Variants in L3MBTL3 observed in about 807,000 individuals in gnomAD.
L3MBTL3 encodes L3MBTL histone methyl-lysine binding protein 3.
L3MBTL3 carries 27 observed loss-of-function variants against 102.3 expected under a neutral mutation model. The ratio of observed to expected loss-of-function variants is 0.26; its 90% CI spans 0.19 to 0.36. L3MBTL3 has a LOEUF of 0.36. Ranked by LOEUF, L3MBTL3 falls within the 10% of genes least tolerant of loss-of-function variation. The probability of loss-of-function intolerance (pLI) is 1.00; values close to 1 mark genes in which losing one functional copy is unlikely to be tolerated. For missense variants in L3MBTL3, 798 were observed against 955.3 expected, an observed-to-expected ratio of 0.84 and a Z score of 2.17; for synonymous variants, 340 against 320.9, an observed-to-expected ratio of 1.06 and a Z score of -0.64.
intron 5 of L3MBTL3, 42 bp downstream of exon 5, chr6:130,049,872 ATTTC>A: frequency 1.3e-6 from 2 of 1,574,054 alleles, no homozygotes; most frequent in Non-Finnish European, 1.7e-6. Flanking sequence ...TTCATTTTCT[ATTTC>A]TTTCTCCCCT....
intron 16 of L3MBTL3, among the ~76,000 whole-genome samples, chr6:130,090,040 T>G (rs1783942613): frequency 6.6e-6 from 1 of 152,312 alleles, no homozygotes; most frequent in Middle Eastern, 3.4e-3. Context: ...GACTAGATTG[T>G]ATTTCATTTT....
intron 16 of L3MBTL3, among the ~76,000 whole-genome samples, chr6:130,086,547 T>C (rs1015574398): frequency 2.0e-5 from 3 of 152,198 alleles, no homozygotes; most frequent in African/African-American, 7.2e-5. Flanking sequence ...TACTTCATTC[T>C]CTGATAGTAT....
intron 1 of L3MBTL3, among the ~76,000 whole-genome samples, chr6:130,021,437 G>A (rs1347527941): frequency 6.6e-6 from 1 of 152,250 alleles, no homozygotes; most frequent in Non-Finnish European, 1.5e-5. Flanking sequence ...TCCGACATGA[G>A]TTATATGGGA....
intron 2 of L3MBTL3, among the ~76,000 whole-genome samples, chr6:130,031,007 C>T (rs1450046837): frequency 6.6e-6 from 1 of 152,178 alleles, no homozygotes; most frequent in African/African-American, 2.4e-5. Context: ...TATGATTACC[C>T]CATGTGACCT....
At chr6:130,101,898 A>C (rs749565988) in intron 18 of L3MBTL3, among the ~76,000 whole-genome samples, 1 of 152,164 alleles carries the variant, frequency 6.6e-6, no homozygotes, top group Non-Finnish European at 1.5e-5. Context: ...CCTTCACATT[A>C]TTACTAAATG....
At chr6:130,130,879 T>C (rs921675002) in intron 20 of L3MBTL3, among the ~76,000 whole-genome samples, 5 of 152,234 alleles carry the variant, frequency 3.3e-5, no homozygotes, top group African/African-American at 1.2e-4. Flanking sequence ...AGTGACTTTC[T>C]AGCATTCAGA....
chr6:130,053,102 C>T lies in L3MBTL3; in HGVS notation c.582+111C>T, dbSNP rs569604512. 65 of 782,786 alleles carry T rather than the reference C, an allele frequency of 8.3e-5. No individual in the cohort carries two copies. The South Asian group carries it at 1.1e-3, about 13-fold the overall frequency. 48.5% of individuals were successfully genotyped at this position (782,786 alleles called of 1,614,324 possible). On this transcript the variant is annotated intron_variant, in intron 7 of 22. Coordinates refer to ENST00000361794, the MANE Select transcript of L3MBTL3 (RefSeq NM_032438.4). ...CTGAGTTCAAATGTGGGTTCCAGGA[C>T]TATCTGTGTTAGTGTCAGTAAGTTA...
At chr6:130,065,480 T>C (rs140204604) in intron 10 of L3MBTL3, among the ~76,000 whole-genome samples, 3 of 152,296 alleles carry the variant, frequency 2.0e-5, no homozygotes, top group Non-Finnish European at 4.4e-5. Flanking sequence ...ACTATATGTT[T>C]TAGAGAACTT....
At chr6:130,119,802 A>G (rs1027597008) in intron 19 of L3MBTL3, among the ~76,000 whole-genome samples, 2 of 152,202 alleles carry the variant, frequency 1.3e-5, no homozygotes, top group Admixed American at 6.5e-5. Flanking sequence ...TAAACAATAC[A>G]TAATTTAAAA....
chr6:130,122,634 G>A (rs1359314798), intron 20 of L3MBTL3, among the ~76,000 whole-genome samples: 2 of 152,162 alleles, frequency 1.3e-5, no homozygotes, highest in Non-Finnish European at 2.9e-5. Context: ...TTCTGATTAT[G>A]GAAAAAGGCA....
chr6:130,085,063 C>T (rs1314235108), intron 15 of L3MBTL3, among the ~76,000 whole-genome samples: 2 of 152,158 alleles, frequency 1.3e-5, no homozygotes, highest in Non-Finnish European at 1.5e-5. Context: ...CTCCTGAGCT[C>T]AAGCAATCCA....
chr6:130,138,768 CT>C (rs35404490), intron 22 of L3MBTL3, among the ~76,000 whole-genome samples: 37,854 of 148,764 alleles, frequency 0.25, 5,587 homozygotes, highest in Non-Finnish European at 0.35. Context: ...GAAAGGGAAA[CT>C]TTTTTTTTTT....
chr6:130,052,836 T>C, intron 6 of L3MBTL3, 23 bp from the exon 7 acceptor site: 1 of 1,608,540 alleles, frequency 6.2e-7, no homozygotes, highest in Non-Finnish European at 8.5e-7. Flanking sequence ...CTTGTCACTA[T>C]TTTGGGTTTA....
rs1353932211 is a variant in L3MBTL3, at chr6:130,051,272, C to G, written c.313C>G (p.Pro105Ala). The change falls in exon 6 of 23, where the codon CCT becomes GCT. Residue 105 changes from proline (P) to alanine (A), a missense_variant. Pro to Ala is a conservative substitution (Grantham distance 27, BLOSUM62 -1). This residue lies in a region of L3MBTL3 where 434 missense variants were observed against 506.6 expected (regional missense o/e 0.86). Transcript: ENST00000361794. ...PTVFSEKTGM[P>A]FRLKDPVKVE... is the part of the protein sequence containing the mutation. Reference sequence around the variant, plus strand: ...AGTCTTTTCAGAGAAGACTGGGATGCCTTTCAGGTTGAAGGATCCAGTGAA... The same window carrying G: ...AGTCTTTTCAGAGAAGACTGGGATGGCTTTCAGGTTGAAGGATCCAGTGAA... The G allele has an allele frequency of 1.2e-6, 2 of 1,613,408 alleles. No homozygotes were observed. Among genetic ancestry groups the G allele is most frequent in the Non-Finnish European group, 1.7e-6 (2 of 1,179,538 alleles).
chr6:130,038,536 T>A (rs1215183933), intron 2 of L3MBTL3, among the ~76,000 whole-genome samples: 1 of 152,188 alleles, frequency 6.6e-6, no homozygotes, highest in Non-Finnish European at 1.5e-5. Flanking sequence ...GAGCATTTTT[T>A]TAATGTACCT....
chr6:130,111,469 G>A (rs1219786511), intron 19 of L3MBTL3, among the ~76,000 whole-genome samples: 1 of 152,192 alleles, frequency 6.6e-6, no homozygotes, highest in Non-Finnish European at 1.5e-5. Flanking sequence ...AGGTGGATCA[G>A]GCTGGTGTGT....
At chr6:130,112,776 G>GT (rs1236282035) in intron 19 of L3MBTL3, among the ~76,000 whole-genome samples, 3 of 152,130 alleles carry the variant, frequency 2.0e-5, no homozygotes, top group African/African-American at 7.2e-5. Flanking sequence ...ACAGAGACTT[G>GT]TCAAATGGGT....
intron 10 of L3MBTL3, among the ~76,000 whole-genome samples, chr6:130,064,654 TGTG>T (rs1265953161): frequency 1.3e-5 from 2 of 151,640 alleles, no homozygotes; most frequent in Non-Finnish European, 2.9e-5. Context: ...GGATCCATGG[TGTG>T]GTGGGAGGCA....
chr6:130,094,683 C>G (rs901093272), intron 18 of L3MBTL3, among the ~76,000 whole-genome samples: 5 of 152,026 alleles, frequency 3.3e-5, no homozygotes, highest in African/African-American at 1.2e-4. Flanking sequence ...AGAGGGGAGA[C>G]TCCGTTGATA....
Sources: gnomAD v4.1 joint callset for allele counts (sites outside exome capture counted in the v4.1 genomes callset) on GRCh38, gnomAD v4.1.1 for gene constraint, gnomAD v4.1.1 regional missense constraint, MANE v1.5 for transcripts, NCBI Gene and HGNC (gene_info 2026-07-23, HGNC 2026-07-21) for gene names.